The following CAPN8 variants were observed in gnomAD, a reference collection of about 807,000 sequenced individuals.
CAPN8 encodes calpain 8.
In CAPN8, 87 loss-of-function variants were observed where a neutral mutation model predicts 80.9. The ratio of observed to expected loss-of-function variants is 1.07; its 90% CI spans 0.90 to 1.28. CAPN8 has a LOEUF of 1.28. CAPN8 is among the 50% of genes most tolerant of loss of function. The probability of loss-of-function intolerance (pLI) is 0.00; values close to 1 mark genes in which losing one functional copy is unlikely to be tolerated. For synonymous variants in CAPN8, 299 were observed against 273.8 expected, an observed-to-expected ratio of 1.09 and a Z score of -0.91; for missense variants, 757 against 702.0, an observed-to-expected ratio of 1.08 and a Z score of -0.89.
At chr1:223,548,288 T>G (rs1417507122) in intron 16 of CAPN8, among the ~76,000 whole-genome samples, 3 of 152,206 alleles carry the variant, frequency 2.0e-5, no homozygotes, top group South Asian at 2.1e-4. Context: ...GGACCCACTG[T>G]GGGCAAAGCT....
At chr1:223,631,725 A>G (rs1420604899) in intron 2 of CAPN8, among the ~76,000 whole-genome samples, 1 of 152,252 alleles carries the variant, frequency 6.6e-6, no homozygotes, top group Non-Finnish European at 1.5e-5. Flanking sequence ...AGTGGCATTC[A>G]ACAAGAATCT....
Position 223,544,139 on chromosome 1 carries a change from A to C in CAPN8, c.1957T>G (p.Tyr653Asp), listed in dbSNP as rs1487289601. ...SQVQQTIALR[Y>D]ACSKLGINFD... ...TTGATGCCAAGCTTGCTGCACGCAT[A>C]CCGCAGGGCAATGGTCTGCTGCACC... The change falls in exon 19 of 21, where the codon TAT becomes GAT. Residue 653 changes from tyrosine to aspartate, a missense_variant. Coordinates refer to ENST00000366872, the MANE Select transcript of CAPN8 (RefSeq NM_001143962.2). 10 of 718,200 alleles carry C rather than the reference A, an allele frequency of 1.4e-5. No individual in the cohort carries two copies. In the Admixed American group the frequency reaches 2.0e-4, roughly 14 times the overall value. The allele number at this position is 718,200 out of a possible 1,614,324, so 44.5% of individuals were successfully genotyped here.
chr1:223,625,824 G>A lies in CAPN8; in HGVS notation c.794C>T (p.Ser265Phe). Residue 265 changes from serine (S) to phenylalanine (F), a missense_variant, in exon 6 of 21, where the codon TCT becomes TTT. Ser to Phe is a radical substitution (Grantham distance 155, BLOSUM62 -2). Transcript: ENST00000366872. ...TTTTACCTCTTCGACTCCAGTGACA[G>A]AGTACGCATGACTCTTAACCAGCTT... is the stretch of plus-strand genomic sequence containing the variant. Reference protein sequence around the residue: ...SQKLVKSHAYSVTGVEEVNFQ... With the variant: ...SQKLVKSHAYFVTGVEEVNFQ... 1.3e-6 allele frequency: 2 copies of A among 1,551,092 alleles called. No homozygotes were observed. The highest frequency in any genetic ancestry group is 1.7e-6 in the Non-Finnish European group (2 of 1,146,398).
chr1:223,644,600 T>C (rs1336270514), intron 2 of CAPN8, among the ~76,000 whole-genome samples: 2 of 151,938 alleles, frequency 1.3e-5, no homozygotes, highest in Non-Finnish European at 2.9e-5. Flanking sequence ...ATGTGACAGG[T>C]GGTGGTAAAT....
At chr1:223,627,226 G>C (rs1391965751) in intron 4 of CAPN8, 69 bp from the exon 5 acceptor site, 2 of 1,500,812 alleles carry the variant, frequency 1.3e-6, no homozygotes, top group East Asian at 4.9e-5. Context: ...TTGGGGACCG[G>C]GACAGTGCTA....
At chr1:223,628,244 G>A (rs1237076832) in intron 3 of CAPN8, 102 bp from the exon 4 acceptor site, 3 of 1,330,074 alleles carry the variant, frequency 2.3e-6, no homozygotes, top group Admixed American at 2.7e-5. Context: ...ATCAGTGTTC[G>A]AGTCTTGGCT....
chr1:223,620,042 A>G lies in CAPN8; in HGVS notation c.974+150T>C, dbSNP rs116220659. 8.6e-4 allele frequency: 607 copies of G among 705,178 alleles called. 3 individuals carry two copies. In the African/African-American group the frequency reaches 9.7e-3, roughly 11 times the overall value. 43.7% of individuals were successfully genotyped at this position (705,178 alleles called of 1,614,324 possible). A position where few individuals can be genotyped will look rare whatever the true frequency, so the allele number is the denominator to read the frequency against. ...TTTAGACGTGCTGGTATAGAGGTGGAATTATACCAGGACAAAAGGAGAAGA... is the reference window on the plus strand; with the variant it reads ...TTTAGACGTGCTGGTATAGAGGTGGGATTATACCAGGACAAAAGGAGAAGA... On this transcript the variant is annotated intron_variant, in intron 8 of 20. Coordinates refer to ENST00000366872, the MANE Select transcript of CAPN8 (RefSeq NM_001143962.2).
chr1:223,619,206 A>T, intron 9 of CAPN8, 87 bp downstream of exon 9: 1 of 1,483,238 alleles, frequency 6.7e-7, no homozygotes, highest in Non-Finnish European at 9.1e-7. Flanking sequence ...AAAAACACAC[A>T]AAATAGCACC....
chr1:223,549,450 G>T, intron 15 of CAPN8, 68 bp from the exon 16 acceptor site: 1 of 1,547,378 alleles, frequency 6.5e-7, no homozygotes, highest in Non-Finnish European at 8.7e-7. Flanking sequence ...GAACCTCCAC[G>T]GTAGAAGACC....
intron 14 of CAPN8, among the ~76,000 whole-genome samples, 166 bp from the exon 15 acceptor site, chr1:223,551,183 C>G (rs1207236242): frequency 6.6e-6 from 1 of 152,034 alleles, no homozygotes; most frequent in Non-Finnish European, 1.5e-5. Flanking sequence ...TACTCTGTCA[C>G]TCAAGCTGGA....
intron 9 of CAPN8, chr1:223,618,013 G>T (rs1006039783): frequency 2.0e-6 from 1 of 510,502 alleles, no homozygotes; most frequent in Non-Finnish European, 3.5e-6. Context: ...ATCCAGGTGG[G>T]GTTTTATTCT....
intron 2 of CAPN8, among the ~76,000 whole-genome samples, chr1:223,649,948 C>T (rs1374272619): frequency 6.6e-6 from 1 of 152,122 alleles, no homozygotes; most frequent in African/African-American, 2.4e-5. Context: ...AACCAAGTGT[C>T]AACTCTCTAT....
intron 2 of CAPN8, among the ~76,000 whole-genome samples, chr1:223,640,921 A>C (rs17483822): frequency 0.39 from 58,452 of 151,772 alleles, 12,461 homozygotes; most frequent in Non-Finnish European, 0.49. Context: ...GCTCAATTCG[A>C]TGGATTTCAT....
intron 4 of CAPN8, among the ~76,000 whole-genome samples, chr1:223,627,389 C>CAA (rs1271053849): frequency 1.3e-5 from 2 of 152,194 alleles, no homozygotes; most frequent in Non-Finnish European, 2.9e-5. Flanking sequence ...CCCTCCTTTA[C>CAA]AAAGCCAAGG....
In CAPN8 at chr1:223,549,277, G is replaced by A. The variant is rs778126217; in HGVS notation, c.1764+41C>T. ...GTGGAGGAGTCTTTAAAAACCGGACGAAAGTAAAAAAAAAAAAATAATGCA... is the reference window on the plus strand; with the variant it reads ...GTGGAGGAGTCTTTAAAAACCGGACAAAAGTAAAAAAAAAAAAATAATGCA... On this transcript the variant is annotated intron_variant, in intron 16 of 20. Transcript: ENST00000366872. The A allele has an allele frequency of 5.9e-5, 90 of 1,521,058 alleles. No individual in the cohort carries two copies. The African/African-American group carries it at 9.0e-4, about 15-fold the overall frequency. The allele number at this position is 1,521,058 out of a possible 1,614,324, so 94.2% of individuals were successfully genotyped here. A position where few individuals can be genotyped will look rare whatever the true frequency, so the allele number is the denominator to read the frequency against.
chr1:223,620,122 A>T, intron 8 of CAPN8, 70 bp downstream of exon 8: 1 of 1,307,202 alleles, frequency 7.6e-7, no homozygotes, highest in Non-Finnish European at 1.1e-6. Context: ...CCAGAGACCT[A>T]GAGTTCACAT....
rs952092006 is a variant in CAPN8 at position 223,609,963 on chromosome 1, C to G, written c.1324-599G>C. ...CCCCCCAGCCTCCCCAGGGCCTCGA[C>G]TCTCCTCAACAGGCGACGATGCTCT... On this transcript the variant is annotated intron_variant, in intron 11 of 20. Coordinates refer to ENST00000366872, the MANE Select transcript of CAPN8 (RefSeq NM_001143962.2). 1.7e-4 allele frequency among the ~76,000 whole-genome samples: 26 copies of G among 152,364 alleles called. 1 individual carries two copies. In the South Asian group the frequency reaches 5.4e-3, roughly 32 times the overall value.
chr1:223,635,114 G>C (rs1399383089), intron 2 of CAPN8, among the ~76,000 whole-genome samples: 1 of 152,164 alleles, frequency 6.6e-6, no homozygotes, highest in African/African-American at 2.4e-5. Context: ...ATATATGCTT[G>C]TTTTTTAAAA....
At chr1:223,624,076 C>CTATTTATT (rs150358210) in intron 6 of CAPN8, among the ~76,000 whole-genome samples, 2 of 151,896 alleles carry the variant, frequency 1.3e-5, no homozygotes, top group African/African-American at 2.4e-5. Flanking sequence ...TCATTTAACT[C>CTATTTATT]TATTTATTTA....
Sources: gnomAD v4.1 joint callset for allele counts (sites outside exome capture counted in the v4.1 genomes callset) on GRCh38, gnomAD v4.1.1 for gene constraint, MANE v1.5 for transcripts, NCBI Gene and HGNC (gene_info 2026-07-23, HGNC 2026-07-21) for gene names.